The following VWCE variants were observed in gnomAD, a reference collection of about 807,000 sequenced individuals.
VWCE encodes the protein von Willebrand factor C and EGF domains.
VWCE carries 68 observed loss-of-function variants against 102.9 expected under a neutral mutation model. The ratio of observed to expected loss-of-function variants is 0.66; its 90% CI spans 0.54 to 0.81. The LOEUF is 0.81. Among genes scored for constraint, VWCE ranks in the 30% least tolerant of loss-of-function variants. The pLI is 0.00. For missense variants in VWCE, 1,137 were observed against 1,263.6 expected, an observed-to-expected ratio of 0.90 and a Z score of 1.52; for synonymous variants, 497 against 515.4, an observed-to-expected ratio of 0.96 and a Z score of 0.48.
chr11:61,259,643 T>C (rs1854296818), intron 19 of VWCE, among the ~76,000 whole-genome samples: 2 of 152,284 alleles, frequency 1.3e-5, no homozygotes, highest in South Asian at 2.1e-4. Context: ...ATGTGAACTA[T>C]AGACATTGGA....
intron 19 of VWCE, among the ~76,000 whole-genome samples, chr11:61,262,749 TA>T (rs1263388231): frequency 6.6e-6 from 1 of 152,074 alleles, no homozygotes. Flanking sequence ...AAATATTTTA[TA>T]AAAAAGGGAA....
chr11:61,262,869 C>T (rs149547100), intron 19 of VWCE, among the ~76,000 whole-genome samples: 2 of 152,326 alleles, frequency 1.3e-5, no homozygotes, highest in Non-Finnish European at 2.9e-5. Context: ...GATTTAAAGT[C>T]AGTTTGGGGA....
intron 12 of VWCE, among the ~76,000 whole-genome samples, 167 bp from the exon 13 acceptor site, chr11:61,273,483 C>A (rs983664710): frequency 2.0e-5 from 3 of 152,022 alleles, no homozygotes; most frequent in Non-Finnish European, 4.4e-5. Context: ...CCAAGGAGCA[C>A]AACAGTGGGG....
At chr11:61,274,662 G>A in intron 11 of VWCE, 78 bp from the exon 12 acceptor site, 2 of 1,312,004 alleles carry the variant, frequency 1.5e-6, no homozygotes, top group African/African-American at 1.5e-5. Context: ...AAATGGGTAG[G>A]GAGCCCCGGG....
rs187402878 is a variant in VWCE at position 61,292,889 on chromosome 11, C to T, written c.111-1313G>A. Among the ~76,000 whole-genome samples, 512 of 152,030 alleles carry T rather than the reference C, an allele frequency of 3.4e-3. 1 individual carries two copies. Among genetic ancestry groups the T allele is most frequent in the Middle Eastern group, 0.014 (4 of 294 alleles). On this transcript the variant is annotated intron_variant, in intron 1 of 19. Transcript: ENST00000335613. ...TTGGGAGGCCAAGGCAGGCAGATAA[C>T]TTGAGGTCAGGAGTTTGAGACCAGC...
chr11:61,260,794 A>T (rs1160404810), intron 19 of VWCE, among the ~76,000 whole-genome samples: 10 of 152,250 alleles, frequency 6.6e-5, no homozygotes, highest in Non-Finnish European at 2.9e-5. Flanking sequence ...AATACAAAAT[A>T]CAGCAAAATT....
chr11:61,281,696 C>T lies in VWCE; in HGVS notation c.787+90G>A, dbSNP rs574878777. On this transcript the variant is annotated intron_variant, in intron 7 of 19. Transcript: ENST00000335613. Reference sequence around the variant, plus strand: ...GTGGCTGGGCGCCGGGAGGGCGTGACGGGGAGGGGCCAGGCTATGGGGGGG... The same window carrying T: ...GTGGCTGGGCGCCGGGAGGGCGTGATGGGGAGGGGCCAGGCTATGGGGGGG... 1,302 of 1,303,838 alleles carry T rather than the reference C, an allele frequency of 1.0e-3. 8 individuals carry two copies. Among genetic ancestry groups the T allele is most frequent in the Non-Finnish European group, 7.1e-4 (731 of 1,025,398 alleles). 80.8% of individuals were successfully genotyped at this position (1,303,838 alleles called of 1,614,324 possible).
chr11:61,281,297 G>A (rs1855125526), intron 7 of VWCE, 62 bp from the exon 8 acceptor site: 3 of 1,593,022 alleles, frequency 1.9e-6, no homozygotes, highest in Middle Eastern at 2.3e-4. Context: ...AGGGTTTAGG[G>A]AGACCTGGGC....
intron 6 of VWCE, chr11:61,282,465 G>A (rs1338050438): frequency 6.2e-5 from 17 of 273,092 alleles, no homozygotes; most frequent in Non-Finnish European, 6.9e-6. Context: ...AAGACATAAC[G>A]TGCTTTATTT....
chr11:61,271,848 C>A, intron 13 of VWCE, 88 bp from the exon 14 acceptor site: 1 of 1,140,704 alleles, frequency 8.8e-7, no homozygotes, highest in Non-Finnish European at 1.3e-6. Flanking sequence ...CACAAACACA[C>A]ACAGACACCG....
intron 15 of VWCE, among the ~76,000 whole-genome samples, 171 bp from the exon 16 acceptor site, chr11:61,267,715 A>C (rs1393240982): frequency 6.6e-6 from 1 of 152,140 alleles, no homozygotes; most frequent in Admixed American, 6.5e-5. Flanking sequence ...GGATTGTCTG[A>C]ATCGGGTATT....
Position 61,294,839 on chromosome 11 carries a change from C to T in VWCE, c.110+89G>A. 2.2e-6 allele frequency: 2 copies of T among 900,106 alleles called. No individual in the cohort carries two copies. Among genetic ancestry groups the T allele is most frequent in the South Asian group, 3.0e-5 (1 of 32,934 alleles). The allele number at this position is 900,106 out of a possible 1,614,324, so 55.8% of individuals were successfully genotyped here. ...GGAAGCCCCGACACGCGGCTGCCTG[C>T]GGCTCCTGAGCGCCCCTCCGCGCCT... On this transcript the variant is annotated intron_variant, in intron 1 of 19. Coordinates refer to ENST00000335613, the MANE Select transcript of VWCE (RefSeq NM_152718.2). The surrounding 1 kb of genome is among the most constrained non-coding windows in gnomAD (Gnocchi z 6.3).
At chr11:61,267,409 G>A in intron 16 of VWCE, 53 bp downstream of exon 16, 3 of 1,561,090 alleles carry the variant, frequency 1.9e-6, no homozygotes, top group Non-Finnish European at 2.6e-6. Context: ...AGGAGCCGAT[G>A]TCAGTTGTGG....
chr11:61,259,089 T>C lies in VWCE; in HGVS notation c.2454A>G (p.Ala818=). 1 of 1,614,042 alleles carries C rather than the reference T, an allele frequency of 6.2e-7. No homozygotes were observed. The highest frequency in any genetic ancestry group is 1.3e-5 in the African/African-American group (1 of 75,036). ...MKTQTLPTSP[A]GAHGPHSLAL... is the part of the protein sequence containing the mutation. ...CGAGTGAGTGTGGACCATGAGCTCC[T>C]GCCGGGCTTGTAGGTAAAGTCTGTG... Residue 818 remains alanine, a synonymous_variant, in exon 20 of 20, where the codon GCA becomes GCG. Coordinates refer to ENST00000335613, the MANE Select transcript of VWCE (RefSeq NM_152718.2).
intron 18 of VWCE, 146 bp from the exon 19 acceptor site, chr11:61,264,723 A>G (rs1854460160): frequency 1.3e-5 from 13 of 992,068 alleles, no homozygotes; most frequent in Non-Finnish European, 1.8e-5. Flanking sequence ...TCGCCTGGAG[A>G]ACAGGTAAAG....
At chr11:61,280,594 A>C in intron 9 of VWCE, 30 bp downstream of exon 9, 2 of 1,610,138 alleles carry the variant, frequency 1.2e-6, no homozygotes, top group Non-Finnish European at 1.7e-6. Context: ...AAGAGGCAGG[A>C]CTATGTCCTT....
intron 19 of VWCE, 135 bp downstream of exon 19, chr11:61,264,352 A>G: frequency 1.2e-6 from 1 of 836,392 alleles, no homozygotes; most frequent in Admixed American, 2.2e-5. Context: ...CAGCTGTACA[A>G]CCTTGCGCGA....
In VWCE at chr11:61,258,968, G is replaced by T. The variant is rs1444452680; in HGVS notation, c.2575C>A (p.Leu859Ile). The change falls in exon 20 of 20, where the codon CTA (leucine) becomes ATA (isoleucine). Residue 859 changes from leucine to isoleucine, a missense_variant. Leu to Ile is a conservative substitution (Grantham distance 5). Coordinates refer to ENST00000335613, the MANE Select transcript of VWCE (RefSeq NM_152718.2). ...STPPGAPTLP[L>I]ASPGAPQPPP... ...GGCTGAGGAGCCCCTGGGGAAGCTA[G>T]AGGTAGAGTGGGGGCTCCTGGAGGG... 1 of 1,591,300 alleles carries T rather than the reference G, an allele frequency of 6.3e-7. No homozygotes were observed. Among genetic ancestry groups the T allele is most frequent in the South Asian group, 1.1e-5 (1 of 88,172 alleles).
At chr11:61,260,971 T>A (rs1854339611) in intron 19 of VWCE, among the ~76,000 whole-genome samples, 1 of 152,074 alleles carries the variant, frequency 6.6e-6, no homozygotes, top group African/African-American at 2.4e-5. Flanking sequence ...ATGCCCATAA[T>A]CCCAGCATTT....
Sources: gnomAD v4.1 joint callset for allele counts (sites outside exome capture counted in the v4.1 genomes callset) on GRCh38, gnomAD v4.1.1 for gene constraint, Gnocchi (gnomAD v3.1) non-coding constraint, MANE v1.5 for transcripts, NCBI Gene and HGNC (gene_info 2026-07-23, HGNC 2026-07-21) for gene names.